GSDME: variants seen among roughly 807,000 people sequenced by gnomAD.
The protein encoded by GSDME is gasdermin-E.
Under a neutral mutation model 47.5 loss-of-function variants are expected in GSDME, and 44 were observed. The ratio of observed to expected loss-of-function variants is 0.93; its 90% CI spans 0.73 to 1.19. The LOEUF (loss-of-function observed/expected upper bound fraction) is 1.19. Ranked by LOEUF, GSDME falls within the 50% of genes most tolerant of loss-of-function variation. The pLI is 0.00. For missense variants in GSDME, 663 were observed against 604.2 expected, an observed-to-expected ratio of 1.10 and a Z score of -1.02; for synonymous variants, 258 against 252.8, an observed-to-expected ratio of 1.02 and a Z score of -0.20.
chr7:24,765,570 C>CCCCTTTTCTGTACGTCACTG, the GSDME span, among the ~76,000 whole-genome samples: 1 of 152,082 alleles, frequency 6.6e-6, no homozygotes, highest in Non-Finnish European at 1.5e-5. Flanking sequence ...GTACGTCACT[C>CCCCTTTTCTGTACGTCACTG]CCCTTTTCTG....
chr7:24,729,597 G>T (rs954680853), intron 3 of GSDME, among the ~76,000 whole-genome samples: 1 of 152,256 alleles, frequency 6.6e-6, no homozygotes, highest in African/African-American at 2.4e-5. Flanking sequence ...CACAGGAGAA[G>T]TGAGTCTGTG....
chr7:24,708,987 G>C (rs1195943595), intron 6 of GSDME, among the ~76,000 whole-genome samples: 2 of 152,138 alleles, frequency 1.3e-5, no homozygotes, highest in East Asian at 3.8e-4. Flanking sequence ...TTAAAGATTT[G>C]ATAAAGGTTT....
In GSDME at chr7:24,728,070, A is replaced by G. The variant is rs1018393621; in HGVS notation, c.405-8852T>C. On this transcript the variant is annotated intron_variant, in intron 3 of 9. Transcript: ENST00000645220. This position sits in a 1 kb window ranked among gnomAD's most constrained non-coding sequence, Gnocchi z 7.2. Reference sequence around the variant, plus strand: ...CACCCAGCCCTGCCAATGAGTCTTGATTTGTCTCTCGGCCATTCTTGGTCA... The same window carrying G: ...CACCCAGCCCTGCCAATGAGTCTTGGTTTGTCTCTCGGCCATTCTTGGTCA... 1.3e-5 allele frequency among the ~76,000 whole-genome samples: 2 copies of G among 152,166 alleles called. No individual in the cohort carries two copies. Among genetic ancestry groups the G allele is most frequent in the South Asian group, 2.1e-4 (1 of 4,822 alleles).
the GSDME span, among the ~76,000 whole-genome samples, chr7:24,792,097 T>G: frequency 5.3e-5 from 8 of 152,252 alleles, no homozygotes; most frequent in African/African-American, 1.9e-4. Context: ...TGGCCTGCCA[T>G]GTGCACAAGC....
At chr7:24,701,474 A>G (rs1164359637) in intron 9 of GSDME, among the ~76,000 whole-genome samples, 3 of 151,632 alleles carry the variant, frequency 2.0e-5, no homozygotes, top group African/African-American at 7.3e-5. Context: ...AGAAGGGGTT[A>G]GATAACAGTT....
At chr7:24,776,973 T>C in the GSDME span, among the ~76,000 whole-genome samples, 1 of 152,184 alleles carries the variant, frequency 6.6e-6, no homozygotes, top group African/African-American at 2.4e-5. Context: ...TTTTAGCTTA[T>C]AATTATTAAA....
Position 24,714,173 on chromosome 7 carries a change from G to A in GSDME, c.697+3081C>T, listed in dbSNP as rs1366396358. Among the ~76,000 whole-genome samples the A allele has an allele frequency of 1.3e-5, 2 of 152,238 alleles. No homozygotes were observed. The highest frequency in any genetic ancestry group is 2.9e-5 in the Non-Finnish European group (2 of 68,044). Reference sequence around the variant, plus strand: ...TTCTGATTGGGCATAAGTGTCTCCTGAGAGGGGAGCTGTGGGTGAAGGAAA... The same window carrying A: ...TTCTGATTGGGCATAAGTGTCTCCTAAGAGGGGAGCTGTGGGTGAAGGAAA... On this transcript the variant is annotated intron_variant, in intron 5 of 9. Coordinates refer to ENST00000645220, the MANE Select transcript of GSDME (RefSeq NM_001127453.2). This position sits in a 1 kb window ranked among gnomAD's most constrained non-coding sequence, Gnocchi z 5.0.
chr7:24,760,200 C>T (rs985481846), upstream of GSDME, among the ~76,000 whole-genome samples: 1 of 152,116 alleles, frequency 6.6e-6, no homozygotes, highest in African/African-American at 2.4e-5. The surrounding 1 kb of genome is among the most constrained non-coding windows in gnomAD (Gnocchi z 4.2). Context: ...TATTTCCTAC[C>T]CTATGCCTAG....
intron 9 of GSDME, chr7:24,702,382 C>T (rs1788904695): frequency 2.8e-6 from 1 of 351,826 alleles, no homozygotes; most frequent in Non-Finnish European, 5.6e-6. Flanking sequence ...TGCTGCAGAG[C>T]TCAATCAAAC....
the GSDME span, among the ~76,000 whole-genome samples, chr7:24,791,212 G>T: frequency 8.3e-6 from 1 of 120,374 alleles, no homozygotes; most frequent in African/African-American, 3.1e-5. The surrounding 1 kb of genome is among the most constrained non-coding windows in gnomAD (Gnocchi z 4.8). Context: ...GCTGCAAGAG[G>T]GCTATGTTCT....
Position 24,706,295 on chromosome 7 carries a change from C to T in GSDME, c.1072G>A (p.Ala358Thr). ...CTGCACCCCACCAGCTGCAGGAAGGCCACAAGGTCCTGCTGCTGCCGGGGC... is the reference window on the plus strand; with the variant it reads ...CTGCACCCCACCAGCTGCAGGAAGGTCACAAGGTCCTGCTGCTGCCGGGGC... The part of the protein sequence containing the change: ...LKPRQQQDLV[A>T]FLQLVGCSLQ... Residue 358 changes from alanine to threonine, a missense_variant, in exon 8 of 10, where the codon GCC becomes ACC. Transcript: ENST00000645220. 6.2e-7 allele frequency: 1 copy of T among 1,614,120 alleles called. No individual in the cohort carries two copies. Among genetic ancestry groups the T allele is most frequent in the Non-Finnish European group, 8.5e-7 (1 of 1,180,034 alleles).
intron 3 of GSDME, among the ~76,000 whole-genome samples, chr7:24,723,904 ATGCC>A (rs1789880238): frequency 1.3e-5 from 2 of 152,166 alleles, no homozygotes; most frequent in East Asian, 1.9e-4. Context: ...CAGAATATCC[ATGCC>A]TGCCTGTTCT....
At chr7:24,723,478 A>G (rs1158025358) in intron 3 of GSDME, among the ~76,000 whole-genome samples, 1 of 152,232 alleles carries the variant, frequency 6.6e-6, no homozygotes, top group Non-Finnish European at 1.5e-5. Context: ...CCAAATTTCA[A>G]TGCAATTTGT....
chr7:24,747,290 T>C (rs1043932654), intron 2 of GSDME, among the ~76,000 whole-genome samples: 7 of 152,222 alleles, frequency 4.6e-5, no homozygotes, highest in Admixed American at 3.9e-4. Context: ...ATTTGCCTAT[T>C]GTGTGACAGC....
chr7:24,771,205 G>C, the GSDME span, among the ~76,000 whole-genome samples: 9 of 152,126 alleles, frequency 5.9e-5, no homozygotes, highest in African/African-American at 1.9e-4. This position sits in a 1 kb window ranked among gnomAD's most constrained non-coding sequence, Gnocchi z 4.1. Flanking sequence ...ATAAAGGAAA[G>C]GCCAAAGAGT....
chr7:24,768,422 G>A, the GSDME span, among the ~76,000 whole-genome samples: 6 of 152,152 alleles, frequency 3.9e-5, no homozygotes, highest in Non-Finnish European at 8.8e-5. This position sits in a 1 kb window ranked among gnomAD's most constrained non-coding sequence, Gnocchi z 5.6. Context: ...AGACCAGACG[G>A]GGGAACAGCC....
chr7:24,746,975 G>A (rs1227486089), intron 2 of GSDME, among the ~76,000 whole-genome samples: 1 of 152,236 alleles, frequency 6.6e-6, no homozygotes, highest in Non-Finnish European at 1.5e-5. Context: ...AACACCAACA[G>A]GACACAGAAT....
intron 9 of GSDME, among the ~76,000 whole-genome samples, 170 bp from the exon 10 acceptor site, chr7:24,699,429 A>C (rs952870155): frequency 1.1e-4 from 17 of 152,046 alleles, no homozygotes; most frequent in South Asian, 2.1e-4. Context: ...TGCAACCTCC[A>C]GCTCCCAGGT....
Position 24,744,410 on chromosome 7 carries a change from G to A in GSDME, c.404+152C>T. The A allele has an allele frequency of 2.3e-6, 2 of 862,492 alleles. No homozygotes were observed. Among genetic ancestry groups the A allele is most frequent in the Non-Finnish European group, 3.8e-6 (2 of 527,004 alleles). The allele number at this position is 862,492 out of a possible 1,614,324, so 53.4% of individuals were successfully genotyped here. A position where few individuals can be genotyped will look rare whatever the true frequency, so the allele number is the denominator to read the frequency against. On this transcript the variant is annotated intron_variant, in intron 3 of 9. Coordinates refer to ENST00000645220, the MANE Select transcript of GSDME (RefSeq NM_001127453.2). The surrounding 1 kb of genome is among the most constrained non-coding windows in gnomAD (Gnocchi z 4.5). The stretch of plus-strand genomic sequence containing the variant: ...GTCAAGCAATTCCAGACTAAAGAAT[G>A]TGCTCCTCATGAAATTTCAACACAA...
Sources: gnomAD v4.1 joint callset for allele counts (sites outside exome capture counted in the v4.1 genomes callset) on GRCh38, gnomAD v4.1.1 for gene constraint, Gnocchi (gnomAD v3.1) non-coding constraint, MANE v1.5 for transcripts, NCBI Gene and HGNC (gene_info 2026-07-23, HGNC 2026-07-21) for gene names.